Variants in ATRNL1 observed in about 807,000 individuals in gnomAD.
ATRNL1 encodes the protein attractin like 1, also known as attractin-like protein 1.
A neutral mutation model predicts 182.7 loss-of-function variants in ATRNL1; 95 were observed. The observed-to-expected ratio is 0.52, with a 90% CI of 0.44 to 0.62. The LOEUF is 0.62. Ranked by LOEUF, ATRNL1 falls within the 20% of genes least tolerant of loss-of-function variation. ATRNL1 has a pLI of 0.00. For missense variants in ATRNL1, 1,471 were observed against 1,679.5 expected (o/e 0.88, Z 2.17); for synonymous variants, 576 against 568.3 (o/e 1.01, Z -0.19).
At chr10:115,538,007 C>G (rs1279910848) in intron 25 of ATRNL1, among the ~76,000 whole-genome samples, 1 of 152,102 alleles carries the variant, frequency 6.6e-6, no homozygotes, top group Admixed American at 6.6e-5. Context: ...TAAGATTCAT[C>G]CAAGGTGCTT....
At chr10:115,142,751 G>A (rs1423610847) in intron 5 of ATRNL1, among the ~76,000 whole-genome samples, 2 of 152,160 alleles carry the variant, frequency 1.3e-5, no homozygotes, top group Admixed American at 6.5e-5. Context: ...GCTTGGACAG[G>A]TTGGTAGCTA....
intron 28 of ATRNL1, among the ~76,000 whole-genome samples, chr10:115,855,684 C>T (rs1285041390): frequency 1.3e-5 from 2 of 152,188 alleles, no homozygotes; most frequent in Non-Finnish European, 2.9e-5. Flanking sequence ...CCTCGATAGA[C>T]TGGATTTTGT....
intron 26 of ATRNL1, among the ~76,000 whole-genome samples, chr10:115,721,929 GAAC>G (rs1473295416): frequency 6.6e-6 from 1 of 152,150 alleles, no homozygotes; most frequent in Non-Finnish European, 1.5e-5. Flanking sequence ...CCAAATAACT[GAAC>G]AACCTACCTG....
chr10:115,496,932 G>C (rs1849578109), intron 24 of ATRNL1, among the ~76,000 whole-genome samples: 2 of 152,036 alleles, frequency 1.3e-5, no homozygotes, highest in African/African-American at 4.8e-5. Context: ...AGTTGAATGT[G>C]GCCTCTCTAG....
chr10:115,634,678 C>G (rs1177920444), intron 26 of ATRNL1, among the ~76,000 whole-genome samples: 1 of 151,926 alleles, frequency 6.6e-6, no homozygotes, highest in Non-Finnish European at 1.5e-5. Flanking sequence ...AATGCTTAAT[C>G]TAAAATATTT....
intron 28 of ATRNL1, among the ~76,000 whole-genome samples, chr10:115,885,808 T>C (rs1264853622): frequency 2.0e-5 from 3 of 152,204 alleles, no homozygotes; most frequent in African/African-American, 7.2e-5. Flanking sequence ...TAATCTGTAA[T>C]ATTGGTAGTC....
At position 115,524,031 on chromosome 10, in the gene ATRNL1, T is replaced by C. The variant is rs564802900; in HGVS notation, c.3716+4707T>C. On this transcript the variant is annotated intron_variant, in intron 25 of 28. Coordinates refer to ENST00000355044, the MANE Select transcript of ATRNL1 (RefSeq NM_207303.4). ...GAGGGCCTCAAGCTGTTTCCATTCA[T>C]GGTGGAAGAGGAAGGGGAGCTGGTA... 2.6e-5 allele frequency among the ~76,000 whole-genome samples: 4 copies of C among 152,274 alleles called. No homozygotes were observed. The East Asian group carries it at 7.7e-4, about 29-fold the overall frequency.
intron 26 of ATRNL1, among the ~76,000 whole-genome samples, chr10:115,695,883 G>A (rs1946541547): frequency 6.6e-6 from 1 of 151,822 alleles, no homozygotes; most frequent in African/African-American, 2.4e-5. Context: ...GTATTCCATG[G>A]TGTATATGTA....
chr10:115,779,604 T>G (rs1949212817), intron 27 of ATRNL1, among the ~76,000 whole-genome samples: 7 of 152,220 alleles, frequency 4.6e-5, no homozygotes. Context: ...ACTTGAAAGC[T>G]AAATATTAGG....
chr10:115,849,844 G>A (rs557197457), intron 28 of ATRNL1, among the ~76,000 whole-genome samples: 5 of 152,238 alleles, frequency 3.3e-5, no homozygotes, highest in Middle Eastern at 3.4e-3. Flanking sequence ...CTGATGATTT[G>A]TAGCAGAAAG....
intron 26 of ATRNL1, among the ~76,000 whole-genome samples, chr10:115,711,538 C>T (rs782061997): frequency 1.6e-4 from 25 of 152,130 alleles, no homozygotes; most frequent in Non-Finnish European, 3.4e-4. Flanking sequence ...TTCTCTTAGG[C>T]CACTGAGTTT....
chr10:115,798,565 C>T (rs1555083551), intron 27 of ATRNL1, among the ~76,000 whole-genome samples: 2 of 152,192 alleles, frequency 1.3e-5, no homozygotes, highest in African/African-American at 4.8e-5. Context: ...GCCCCATATG[C>T]TGACTAAACT....
intron 9 of ATRNL1, among the ~76,000 whole-genome samples, chr10:115,223,911 G>GTATATATATATATATATA (rs782032076): frequency 6.9e-5 from 4 of 58,020 alleles, no homozygotes; most frequent in African/African-American, 2.8e-4. Context: ...GTGTGTGTGT[G>GTATATATATATATATATA]TGTATATATA....
chr10:115,836,011 A>G (rs1388544026), intron 27 of ATRNL1, among the ~76,000 whole-genome samples: 1 of 152,194 alleles, frequency 6.6e-6, no homozygotes, highest in Admixed American at 6.5e-5. Context: ...TCCTGCACAC[A>G]TGTCTCAGAA....
chr10:115,597,631 G>A, intron 26 of ATRNL1: 1 of 429,040 alleles, frequency 2.3e-6, no homozygotes, highest in South Asian at 1.6e-5. Context: ...GGCGTGCAGT[G>A]TGGGGATCTC....
chr10:115,688,834 T>C (rs148287201), intron 26 of ATRNL1, among the ~76,000 whole-genome samples: 2 of 152,288 alleles, frequency 1.3e-5, no homozygotes, highest in East Asian at 3.9e-4. Flanking sequence ...CCCTTTTTTA[T>C]GATTGTGCTT....
At chr10:115,914,479 G>A (rs1345701592) in intron 28 of ATRNL1, among the ~76,000 whole-genome samples, 1 of 152,196 alleles carries the variant, frequency 6.6e-6, no homozygotes, top group African/African-American at 2.4e-5. Context: ...ATGGAGACTG[G>A]TTTATGCCAC....
At chr10:115,640,538 G>GT (rs1415994562) in intron 26 of ATRNL1, among the ~76,000 whole-genome samples, 1 of 152,082 alleles carries the variant, frequency 6.6e-6, no homozygotes, top group African/African-American at 2.4e-5. Context: ...TGATGATGAA[G>GT]TTTTTTTCAT....
chr10:115,524,907 G>A (rs952607132), intron 25 of ATRNL1, among the ~76,000 whole-genome samples: 3 of 152,292 alleles, frequency 2.0e-5, no homozygotes, highest in Non-Finnish European at 4.4e-5. Context: ...AGGCCCTCAT[G>A]TCTAATGGTA....
Sources: allele counts gnomAD v4.1 joint callset (sites outside exome capture counted in the v4.1 genomes callset), GRCh38; gene constraint gnomAD v4.1.1; transcripts MANE v1.5; gene names NCBI Gene and HGNC (gene_info 2026-07-23, HGNC 2026-07-21).